The following NUP107 variants were observed in gnomAD, a reference collection of about 807,000 sequenced individuals.
The protein encoded by NUP107 is nucleoporin 107.
Under a neutral mutation model 141.0 loss-of-function variants are expected in NUP107, and 101 were observed. The observed-to-expected ratio is 0.72, with a 90% CI of 0.61 to 0.84. NUP107 has a LOEUF of 0.84. Among genes scored for constraint, NUP107 ranks in the 40% least tolerant of loss-of-function variants. NUP107 has a pLI of 0.00. For missense variants in NUP107, 941 were observed against 1,102.7 expected (o/e 0.85, Z 2.08); for synonymous variants, 319 against 363.9 (o/e 0.88, Z 1.41).
Position 68,735,559 on chromosome 12 carries a change from A to G in NUP107, c.2502+215A>G, listed in dbSNP as rs113896890. Among the ~76,000 whole-genome samples, 450 of 152,330 alleles carry G rather than the reference A, an allele frequency of 3.0e-3. 3 individuals are homozygous for G. The highest frequency in any genetic ancestry group is 0.011 in the African/African-American group (438 of 41,576). ...TAGTTCACATTTACTATGTTCACAG[A>G]GGATACAAAAATCTAATTTTTAAAA... is the stretch of plus-strand genomic sequence containing the variant. On this transcript the variant is annotated intron_variant, in intron 26 of 27. Transcript: ENST00000229179.
chr12:68,706,729 G>A (rs1219900111), intron 8 of NUP107: 7 of 755,724 alleles, frequency 9.3e-6, no homozygotes, highest in Non-Finnish European at 1.7e-5. Flanking sequence ...ACATGGCACG[G>A]CAGCTGCGGG....
intron 12 of NUP107, among the ~76,000 whole-genome samples, chr12:68,718,785 A>T (rs200089449): frequency 6.6e-6 from 1 of 152,166 alleles, no homozygotes; most frequent in Non-Finnish European, 1.5e-5. Context: ...TTTAAAAAAG[A>T]AAGAAAAATA....
intron 19 of NUP107, among the ~76,000 whole-genome samples, chr12:68,727,040 G>A (rs1297846277): frequency 6.6e-6 from 1 of 152,198 alleles, no homozygotes; most frequent in Non-Finnish European, 1.5e-5. Flanking sequence ...GGGCTTTGGA[G>A]TAGGAGTCCT....
chr12:68,728,586 AT>A (rs1370375821), intron 20 of NUP107, among the ~76,000 whole-genome samples: 6 of 151,386 alleles, frequency 4.0e-5, no homozygotes, highest in Non-Finnish European at 7.4e-5. Context: ...AATTGTCTGT[AT>A]TTTTAGTAGA....
intron 3 of NUP107, 39 bp from the exon 4 acceptor site, chr12:68,690,592 A>G (rs1875732819): frequency 1.2e-6 from 2 of 1,613,692 alleles, no homozygotes; most frequent in South Asian, 2.2e-5. Flanking sequence ...ATGAATGCTC[A>G]CGCACTTTAG....
At chr12:68,742,124 G>T in intron 27 of NUP107, 144 bp downstream of exon 27, 1 of 766,646 alleles carries the variant, frequency 1.3e-6, no homozygotes, top group Non-Finnish European at 2.0e-6. Context: ...TTTAATGTTT[G>T]TACTTTTTTC....
intron 10 of NUP107, among the ~76,000 whole-genome samples, chr12:68,711,226 C>G (rs1006690406): frequency 7.2e-5 from 11 of 152,180 alleles, no homozygotes; most frequent in Admixed American, 3.9e-4. Flanking sequence ...TGGCGGGCGC[C>G]TGTAGTCCCA....
rs111861522 is a variant in NUP107, at chr12:68,731,195, T to C, written c.1820T>C (p.Leu607Ser). The change falls in exon 21 of 28, where the codon TTA becomes TCA. Residue 607 changes from leucine to serine, a missense_variant. Coordinates refer to ENST00000229179, the MANE Select transcript of NUP107 (RefSeq NM_020401.4). ...GACCTAGCTGTTGCCCAGTATGCATTATTTTTGGAAAGTGTTACAGAATTT... is the reference window on the plus strand; with the variant it reads ...GACCTAGCTGTTGCCCAGTATGCATCATTTTTGGAAAGTGTTACAGAATTT... ...PQDLAVAQYA[L>S]FLESVTEFEQ... 6.2e-5 allele frequency: 100 copies of C among 1,612,586 alleles called. No homozygotes were observed. Among genetic ancestry groups the C allele is most frequent in the Non-Finnish European group, 8.1e-5 (96 of 1,179,318 alleles).
At chr12:68,726,187 A>G (rs1393643535) in intron 18 of NUP107, among the ~76,000 whole-genome samples, 1 of 152,110 alleles carries the variant, frequency 6.6e-6, no homozygotes, top group Non-Finnish European at 1.5e-5. Flanking sequence ...TCATTGTCTT[A>G]TAGTGATTTT....
intron 3 of NUP107, 161 bp downstream of exon 3, chr12:68,689,780 G>A: frequency 3.5e-6 from 2 of 565,494 alleles, no homozygotes; most frequent in East Asian, 3.1e-5. Context: ...CATGTACAAG[G>A]TACTGTACTT....
chr12:68,696,898 G>A lies in NUP107; in HGVS notation c.528G>A (p.Glu176=), dbSNP rs190085473. ...GTACAGTTTTTGATCTTGTGGAAGAGTATGAAAACATCTGTGGTAGTCAGG... is the reference window on the plus strand; with the variant it reads ...GTACAGTTTTTGATCTTGTGGAAGAATATGAAAACATCTGTGGTAGTCAGG... ...SSSTVFDLVE[E]YENICGSQVN... The change falls in exon 6 of 28, where the codon GAG becomes GAA. Residue 176 remains glutamate (E), a synonymous_variant. Coordinates refer to ENST00000229179, the MANE Select transcript of NUP107 (RefSeq NM_020401.4). 5.6e-6 allele frequency: 9 copies of A among 1,607,188 alleles called. No individual in the cohort carries two copies. The East Asian group carries it at 2.0e-4, about 36-fold the overall frequency.
intron 24 of NUP107, 135 bp from the exon 25 acceptor site, chr12:68,734,573 A>AT: frequency 1.5e-6 from 1 of 664,450 alleles, no homozygotes; most frequent in Middle Eastern, 4.4e-4. Flanking sequence ...GAGGGAAAAA[A>AT]ATATATATTG....
chr12:68,709,337 T>A (rs371829790), intron 9 of NUP107, 28 bp downstream of exon 9: 652 of 1,381,798 alleles, frequency 4.7e-4, no homozygotes, highest in Non-Finnish European at 6.1e-4. Flanking sequence ...AATTTTTTTT[T>A]ATGAAACATG....
At chr12:68,711,081 C>G (rs918543095) in intron 10 of NUP107, among the ~76,000 whole-genome samples, 3 of 151,712 alleles carry the variant, frequency 2.0e-5, no homozygotes, top group African/African-American at 7.3e-5. Flanking sequence ...GCGGTAAAAC[C>G]CATCTCTACT....
At chr12:68,707,056 T>G in intron 8 of NUP107, 2 of 585,954 alleles carry the variant, frequency 3.4e-6, no homozygotes, top group Non-Finnish European at 6.1e-6. Flanking sequence ...AGTCGTCTGA[T>G]GTACTGACCA....
rs761982054 is a variant in NUP107 at position 68,706,432 on chromosome 12, G to A, written c.730-2806G>A. The A allele has an allele frequency of 7.4e-5, 61 of 819,024 alleles. 1 individual carries two copies. The highest frequency in any genetic ancestry group is 5.1e-4 in the Admixed American group (28 of 54,556). 50.7% of individuals were successfully genotyped at this position (819,024 alleles called of 1,614,324 possible). A position where few individuals can be genotyped will look rare whatever the true frequency, so the allele number is the denominator to read the frequency against. On this transcript the variant is annotated intron_variant, in intron 8 of 27. Transcript: ENST00000229179. ...GCATCATCGCTGAGGTCAAGGCACC[G>A]TACGAGGAGATCGCCAACCACAACC...
At chr12:68,716,256 T>TTTTTTTA (rs1877108454) in intron 12 of NUP107, among the ~76,000 whole-genome samples, 1 of 149,074 alleles carries the variant, frequency 6.7e-6, no homozygotes, top group African/African-American at 2.5e-5. Flanking sequence ...TTTTTTTTTT[T>TTTTTTTA]GAGATGGGAT....
intron 20 of NUP107, among the ~76,000 whole-genome samples, chr12:68,730,426 C>A (rs1043627073): frequency 2.0e-5 from 3 of 151,800 alleles, no homozygotes; most frequent in African/African-American, 7.3e-5. Flanking sequence ...GTCTTGTTGG[C>A]CAGGCTGGTC....
Position 68,731,716 on chromosome 12 carries a change from T to C in NUP107, c.1995T>C (p.Thr665=), listed in dbSNP as rs367697066. ...CCCCAGCCCTAGATACTGGCACTAC[T>C]GAGGTAATTTGGGATGGGGGGGCAG... ...DLAPALDTGT[T]EEDRLKIDVI... is the part of the protein sequence containing the mutation. Residue 665 remains threonine (T), a synonymous_variant, in exon 22 of 28, where the codon ACT becomes ACC. Transcript: ENST00000229179. 129 of 1,516,356 alleles carry C rather than the reference T, an allele frequency of 8.5e-5. No individual in the cohort carries two copies. Among genetic ancestry groups the C allele is most frequent in the Non-Finnish European group, 1.0e-4 (114 of 1,128,670 alleles). The allele number at this position is 1,516,356 out of a possible 1,614,324, so 93.9% of individuals were successfully genotyped here.
Sources: gnomAD v4.1 joint callset for allele counts (sites outside exome capture counted in the v4.1 genomes callset) on GRCh38, gnomAD v4.1.1 for gene constraint, MANE v1.5 for transcripts, NCBI Gene and HGNC (gene_info 2026-07-23, HGNC 2026-07-21) for gene names.